Variants in MYLK observed in about 807,000 individuals in gnomAD.
The protein encoded by MYLK is myosin light chain kinase, smooth muscle.
Under a neutral mutation model 203.4 loss-of-function variants are expected in MYLK, and 106 were observed. The observed-to-expected ratio is 0.52, with a 90% CI of 0.45 to 0.61. The LOEUF is 0.61. Ranked by LOEUF, MYLK falls within the 20% of genes least tolerant of loss-of-function variation. The probability of loss-of-function intolerance (pLI) is 0.00; values close to 1 mark genes in which losing one functional copy is unlikely to be tolerated. For missense variants in MYLK, 2,072 were observed against 2,442.3 expected, an observed-to-expected ratio of 0.85 and a Z score of 3.20; for synonymous variants, 867 against 959.5, an observed-to-expected ratio of 0.90 and a Z score of 1.78.
rs918152142 is a variant in MYLK, at chr3:123,642,891, A to G, written c.4620-2387T>C. On this transcript the variant is annotated intron_variant, in intron 27 of 33. Coordinates refer to ENST00000360304, the MANE Select transcript of MYLK (RefSeq NM_053025.4). This position sits in a 1 kb window ranked among gnomAD's most constrained non-coding sequence, Gnocchi z 4.2. ...ATCACTTGGGGCTCTTATTAAAAAT[A>G]CAAATTCCCAAGCTCCTCCTCTGGA... is the stretch of plus-strand genomic sequence containing the variant. Among the ~76,000 whole-genome samples the G allele has an allele frequency of 2.0e-5, 3 of 152,252 alleles. No homozygotes were observed. The highest frequency in any genetic ancestry group is 7.2e-5 in the African/African-American group (3 of 41,462).
chr3:123,762,193 A>G (rs2063557271), intron 4 of MYLK, among the ~76,000 whole-genome samples: 1 of 151,742 alleles, frequency 6.6e-6, no homozygotes. Flanking sequence ...TATTTCTTCC[A>G]TTATTCCTAA....
At chr3:123,748,770 T>TA (rs949255183) in intron 5 of MYLK, among the ~76,000 whole-genome samples, 1 of 152,038 alleles carries the variant, frequency 6.6e-6, no homozygotes, top group Non-Finnish European at 1.5e-5. Flanking sequence ...ACCCCATCTT[T>TA]AAAAAAATAA....
At chr3:123,848,678 C>T (rs1384114921) in intron 2 of MYLK, among the ~76,000 whole-genome samples, 2 of 152,122 alleles carry the variant, frequency 1.3e-5, no homozygotes, top group African/African-American at 4.8e-5. Flanking sequence ...AAAACCTGTC[C>T]TTTCTCCATC....
At chr3:123,739,086 C>A in intron 6 of MYLK, 24 bp from the exon 7 acceptor site, 1 of 1,612,748 alleles carries the variant, frequency 6.2e-7, no homozygotes. Context: ...GGCAGAGAAT[C>A]CAGTCCCAGA....
rs143900788 is a variant in MYLK at position 123,638,117 on chromosome 3, C to T, written c.4915G>A (p.Gly1639Ser). The T allele has an allele frequency of 5.8e-5, 93 of 1,614,110 alleles. No homozygotes were observed. The African/African-American group carries it at 6.3e-4, about 11-fold the overall frequency. Residue 1639 changes from glycine to serine, a missense_variant, in exon 29 of 34, where the codon GGC (glycine) becomes AGC (serine). Around this residue, in one of 3 missense-constraint regions of MYLK, gnomAD observed 524 missense variants for 782.4 expected, o/e 0.67. Coordinates refer to ENST00000360304, the MANE Select transcript of MYLK (RefSeq NM_053025.4). ...ATGCTCCACATGTCTGTGGCGTAGCCGATGGGCTCATAGTTGATCACTTCA... is the reference window on the plus strand; with the variant it reads ...ATGCTCCACATGTCTGTGGCGTAGCTGATGGGCTCATAGTTGATCACTTCA... ...APEVINYEPI[G>S]YATDMWSIGV...
At chr3:123,761,160 C>A (rs1195429274) in intron 4 of MYLK, among the ~76,000 whole-genome samples, 1 of 152,180 alleles carries the variant, frequency 6.6e-6, no homozygotes, top group African/African-American at 2.4e-5. Context: ...GAGACTATAA[C>A]CCCTCCATCA....
chr3:123,849,692 C>G (rs2030498844), intron 2 of MYLK, among the ~76,000 whole-genome samples: 1 of 152,056 alleles, frequency 6.6e-6, no homozygotes, highest in African/African-American at 2.4e-5. Flanking sequence ...ACTGGTGAAA[C>G]TAAAGCTTGC....
intron 4 of MYLK, among the ~76,000 whole-genome samples, chr3:123,777,518 C>T (rs771586538): frequency 6.6e-6 from 1 of 152,190 alleles, no homozygotes; most frequent in South Asian, 2.1e-4. Flanking sequence ...TGCCACAGCT[C>T]GAGTCTTGCG....
chr3:123,874,895 G>A (rs1372624178), intron 2 of MYLK, among the ~76,000 whole-genome samples: 1 of 152,144 alleles, frequency 6.6e-6, no homozygotes, highest in East Asian at 1.9e-4. Context: ...TTCAACATCA[G>A]TAGTCACTAA....
At chr3:123,783,193 T>C (rs1020373426) in intron 4 of MYLK, among the ~76,000 whole-genome samples, 9 of 152,148 alleles carry the variant, frequency 5.9e-5, no homozygotes, top group Non-Finnish European at 1.0e-4. Context: ...AGTTAAGTTA[T>C]AGTGTCAAAA....
chr3:123,742,056 C>A (rs1454572871), intron 5 of MYLK, among the ~76,000 whole-genome samples: 1 of 152,160 alleles, frequency 6.6e-6, no homozygotes, highest in Non-Finnish European at 1.5e-5. Flanking sequence ...CTGCTTTTAC[C>A]AGGTTATTCA....
intron 4 of MYLK, among the ~76,000 whole-genome samples, chr3:123,786,536 AG>A (rs1392635049): frequency 1.0e-3 from 16 of 15,318 alleles, no homozygotes; most frequent in Admixed American, 2.7e-3. Context: ...GTGGGGGAGG[AG>A]GGGGGGATGG....
At chr3:123,744,467 T>C (rs77578909) in intron 5 of MYLK, among the ~76,000 whole-genome samples, 4,301 of 152,094 alleles carry the variant, frequency 0.028, 191 homozygotes, top group African/African-American at 0.095. Context: ...AAGAAGAAAA[T>C]AACTTTAAAA....
At chr3:123,815,942 C>T (rs1226423846) in intron 3 of MYLK, among the ~76,000 whole-genome samples, 2 of 152,212 alleles carry the variant, frequency 1.3e-5, no homozygotes, top group African/African-American at 4.8e-5. Flanking sequence ...GTGAACAAAA[C>T]AGATGAAGCT....
chr3:123,854,777 C>T (rs1265195874), intron 2 of MYLK, among the ~76,000 whole-genome samples: 3 of 152,134 alleles, frequency 2.0e-5, no homozygotes, highest in African/African-American at 4.8e-5. Flanking sequence ...GAAACAAACA[C>T]TCAAAATATA....
chr3:123,809,501 G>A (rs2065481074), intron 3 of MYLK, among the ~76,000 whole-genome samples: 1 of 152,138 alleles, frequency 6.6e-6, no homozygotes, highest in Non-Finnish European at 1.5e-5. Flanking sequence ...ACTCCAGCCT[G>A]GGCAACAAGA....
chr3:123,806,861 C>T (rs941780201), intron 3 of MYLK, among the ~76,000 whole-genome samples: 1 of 151,942 alleles, frequency 6.6e-6, no homozygotes, highest in Non-Finnish European at 1.5e-5. Flanking sequence ...GATGGGGTTT[C>T]AGCATGTTGG....
chr3:123,845,200 C>T (rs915191476), intron 2 of MYLK, among the ~76,000 whole-genome samples: 3 of 152,142 alleles, frequency 2.0e-5, no homozygotes, highest in African/African-American at 7.2e-5. Context: ...AGGGGCTGCA[C>T]AGGGCACTCT....
At chr3:123,854,671 G>T (rs2031189101) in intron 2 of MYLK, among the ~76,000 whole-genome samples, 1 of 152,144 alleles carries the variant, frequency 6.6e-6, no homozygotes, top group Admixed American at 6.6e-5. Context: ...TGTGGGTGAT[G>T]GGATCAATAG....
Sources: allele counts gnomAD v4.1 joint callset (sites outside exome capture counted in the v4.1 genomes callset), GRCh38; gene constraint gnomAD v4.1.1; regional missense constraint gnomAD v4.1.1; non-coding constraint Gnocchi (gnomAD v3.1); transcripts MANE v1.5; gene names NCBI Gene and HGNC (gene_info 2026-07-23, HGNC 2026-07-21).